Variants in MDFIC2 observed in about 807,000 individuals in gnomAD.
The protein encoded by MDFIC2 is myoD family inhibitor domain-containing protein 2.
chr3:70,236,945 T>G (rs796806050), intron 2 of MDFIC2, among the ~76,000 whole-genome samples: 4 of 152,286 alleles, frequency 2.6e-5, no homozygotes, highest in African/African-American at 9.6e-5. Context: ...GCAAGTCACA[T>G]GTAGGTAAGT....
chr3:70,296,965 A>G (rs1440585433), intron 2 of MDFIC2, among the ~76,000 whole-genome samples: 2 of 151,910 alleles, frequency 1.3e-5, no homozygotes, highest in Non-Finnish European at 2.9e-5. Flanking sequence ...TATTGTCAAT[A>G]TCTGATCTAA....
chr3:70,244,708 T>C (rs914203403), intron 2 of MDFIC2, among the ~76,000 whole-genome samples: 1 of 152,172 alleles, frequency 6.6e-6, no homozygotes, highest in African/African-American at 2.4e-5. Flanking sequence ...TTATTAACAA[T>C]CACAGGCTGA....
chr3:70,297,506 T>C (rs1196460104), intron 2 of MDFIC2, among the ~76,000 whole-genome samples: 1 of 152,142 alleles, frequency 6.6e-6, no homozygotes, highest in African/African-American at 2.4e-5. Flanking sequence ...GTAGTTTCAA[T>C]TGGTTAGACA....
intron 3 of MDFIC2, among the ~76,000 whole-genome samples, chr3:70,198,237 T>C (rs1701200644): frequency 6.6e-6 from 1 of 152,172 alleles, no homozygotes; most frequent in Admixed American, 6.6e-5. Context: ...TAGATGGGCT[T>C]ATCAATTGAT....
intron 2 of MDFIC2, among the ~76,000 whole-genome samples, chr3:70,227,203 TAGAA>T (rs1701516371): frequency 6.6e-6 from 1 of 152,178 alleles, no homozygotes; most frequent in African/African-American, 2.4e-5. Flanking sequence ...GAGGATGAAT[TAGAA>T]AGGAAATAGA....
At chr3:70,299,055 G>A (rs766543082) in intron 2 of MDFIC2, among the ~76,000 whole-genome samples, 1 of 151,996 alleles carries the variant, frequency 6.6e-6, no homozygotes, top group Non-Finnish European at 1.5e-5. Flanking sequence ...GGGTTAGCCA[G>A]ATTATAAGGA....
intron 2 of MDFIC2, among the ~76,000 whole-genome samples, chr3:70,245,738 C>A (rs1162670426): frequency 8.0e-6 from 1 of 124,960 alleles, no homozygotes; most frequent in Non-Finnish European, 1.6e-5. Flanking sequence ...CAAAATAAAG[C>A]TCCCTGAGTT....
intron 2 of MDFIC2, among the ~76,000 whole-genome samples, chr3:70,235,936 G>A (rs954156213): frequency 5.9e-5 from 9 of 151,992 alleles, no homozygotes; most frequent in Admixed American, 2.0e-4. Context: ...CAGTCACCAC[G>A]CCATTTTTCC....
intron 2 of MDFIC2, among the ~76,000 whole-genome samples, chr3:70,307,170 G>A (rs1013822452): frequency 6.6e-6 from 1 of 152,070 alleles, no homozygotes; most frequent in African/African-American, 2.4e-5. Flanking sequence ...GGTTTCATTT[G>A]TCCTTGGTAT....
intron 3 of MDFIC2, among the ~76,000 whole-genome samples, chr3:70,198,957 G>C (rs72941574): frequency 6.6e-6 from 1 of 152,116 alleles, no homozygotes; most frequent in African/African-American, 2.4e-5. Context: ...AAAGATGAGG[G>C]ACATACAACC....
intron 2 of MDFIC2, among the ~76,000 whole-genome samples, chr3:70,261,124 G>C (rs79993045): frequency 0.089 from 13,551 of 152,146 alleles, 916 homozygotes; most frequent in East Asian, 0.36. Flanking sequence ...ACAAAAATCA[G>C]ATGTCCATTA....
chr3:70,251,741 C>T (rs1185900595), intron 2 of MDFIC2, among the ~76,000 whole-genome samples: 2 of 152,122 alleles, frequency 1.3e-5, no homozygotes, highest in Non-Finnish European at 2.9e-5. Context: ...AGTAGTTGCT[C>T]GTCTAAGGAA....
At chr3:70,280,000 A>T (rs962096878) in intron 2 of MDFIC2, among the ~76,000 whole-genome samples, 2 of 151,512 alleles carry the variant, frequency 1.3e-5, no homozygotes, top group African/African-American at 4.9e-5. Flanking sequence ...GTGGTTTAAA[A>T]CTCTCCCAGT....
intron 2 of MDFIC2, among the ~76,000 whole-genome samples, chr3:70,285,434 C>T (rs561796328): frequency 6.6e-6 from 1 of 152,060 alleles, no homozygotes; most frequent in Non-Finnish European, 1.5e-5. Flanking sequence ...ATATATGCCA[C>T]ATTTTCTTAA....
chr3:70,264,446 A>C lies in MDFIC2; in HGVS notation c.88+47440T>G, dbSNP rs1701897442. Among the ~76,000 whole-genome samples, 7 of 152,362 alleles carry C rather than the reference A, an allele frequency of 4.6e-5. No homozygotes were observed. In the South Asian group the frequency reaches 1.5e-3, roughly 32 times the overall value. ...CTAAGAACTGAATATCGGCTTGCTAATTAACAGATCACAAGGATCAATGTG... is the reference window on the plus strand; with the variant it reads ...CTAAGAACTGAATATCGGCTTGCTACTTAACAGATCACAAGGATCAATGTG... On this transcript the variant is annotated intron_variant, in intron 2 of 3. Transcript: ENST00000567252.
chr3:70,307,673 A>G (rs950170015), intron 2 of MDFIC2, among the ~76,000 whole-genome samples: 1 of 151,846 alleles, frequency 6.6e-6, no homozygotes, highest in Non-Finnish European at 1.5e-5. Context: ...TTCCCTTAAC[A>G]TTTCATCTGC....
intron 2 of MDFIC2, among the ~76,000 whole-genome samples, chr3:70,250,563 A>C (rs924268476): frequency 6.6e-6 from 1 of 152,154 alleles, no homozygotes; most frequent in African/African-American, 2.4e-5. Flanking sequence ...CCATTAAACT[A>C]TTCGGGTGGA....
intron 2 of MDFIC2, among the ~76,000 whole-genome samples, chr3:70,255,295 A>G (rs959467007): frequency 1.3e-5 from 2 of 152,256 alleles, no homozygotes; most frequent in African/African-American, 2.4e-5. Context: ...ATGAAAAAAC[A>G]TACATACTGT....
rs1701929925 is a variant in MDFIC2, at chr3:70,267,576, GTATT to G, written c.88+44306_88+44309del. 9.1e-5 allele frequency among the ~76,000 whole-genome samples: 9 copies of G among 98,656 alleles called. No homozygotes were observed. The Admixed American group carries it at 9.2e-4, about 10-fold the overall frequency. The allele number at this position is 98,656 out of a possible 152,430, so 64.7% of individuals were successfully genotyped here. A position where few individuals can be genotyped will look rare whatever the true frequency, so the allele number is the denominator to read the frequency against. On this transcript the variant is annotated intron_variant, in intron 2 of 3. Transcript: ENST00000567252. The stretch of plus-strand genomic sequence containing the variant: ...CGCCACCATGCCCGGCTAATTTTTT[GTATT>G]TTTTTTTTTTTTTTTTTAGTAAAGA...
Sources: allele counts gnomAD v4.1 joint callset (sites outside exome capture counted in the v4.1 genomes callset), GRCh38; gene constraint gnomAD v4.1.1; transcripts MANE v1.5; gene names NCBI Gene and HGNC (gene_info 2026-07-23, HGNC 2026-07-21).